The following BTN1A1 variants were observed in gnomAD, a reference collection of about 807,000 sequenced individuals.
The protein encoded by BTN1A1 is bK14H9.2 (butyrophilin, subfamily 1, member A1).
A neutral mutation model predicts 33.1 loss-of-function variants in BTN1A1; 26 were observed. That is an observed-to-expected ratio of 0.79 (90% CI 0.58 to 1.09). The LOEUF is 1.09. Among genes scored for constraint, BTN1A1 ranks in the 50% least tolerant of loss-of-function variants. The probability of loss-of-function intolerance (pLI) is 0.00; values close to 1 mark genes in which losing one functional copy is unlikely to be tolerated. For synonymous variants in BTN1A1, 235 were observed against 256.2 expected (o/e 0.92, Z 0.79); for missense variants, 558 against 655.7 (o/e 0.85, Z 1.63).
rs1261452624 is a variant in BTN1A1 at position 26,501,531 on chromosome 6, G to A, written c.80-59G>A. Reference sequence around the variant, plus strand: ...ACTGCGCTTTGGCGGGAATCTGGTCGGTGTCTGTCCGTAGTTCCCATCTCC... The same window carrying A: ...ACTGCGCTTTGGCGGGAATCTGGTCAGTGTCTGTCCGTAGTTCCCATCTCC... On this transcript the variant is annotated intron_variant, in intron 2 of 7. Coordinates refer to ENST00000684113, the MANE Select transcript of BTN1A1 (RefSeq NM_001732.3). The surrounding 1 kb of genome is among the most constrained non-coding windows in gnomAD (Gnocchi z 5.2). 4 of 1,599,932 alleles carry A rather than the reference G, an allele frequency of 2.5e-6. No homozygotes were observed. The highest frequency in any genetic ancestry group is 3.4e-6 in the Non-Finnish European group (4 of 1,170,760).
chr6:26,501,253 C>G lies in BTN1A1; in HGVS notation c.-34C>G, dbSNP rs1763793896. ...AGGCTGAAGCTCCTGAGGGGACTCA[C>G]ATCAGTTATCTTGCTGCTCCAGAAG... On this transcript the variant is annotated 5_prime_UTR_variant, in exon 2 of 8. Coordinates refer to ENST00000684113, the MANE Select transcript of BTN1A1 (RefSeq NM_001732.3). This position sits in a 1 kb window ranked among gnomAD's most constrained non-coding sequence, Gnocchi z 5.2. The G allele has an allele frequency of 1.4e-5, 22 of 1,580,598 alleles. No homozygotes were observed. The highest frequency in any genetic ancestry group is 1.9e-5 in the Non-Finnish European group (22 of 1,149,754).
At position 26,501,663 on chromosome 6, in the gene BTN1A1, C is replaced by T; in HGVS notation, c.153C>T (p.Arg51=). ...GTGAGGACGCCGAGCTGCCCTGTCG[C>T]CTGTCTCCGAACGCGAGCGCCGAGC... ...VVGEDAELPC[R]LSPNASAEHL... The change falls in exon 3 of 8, where the codon CGC becomes CGT. Residue 51 remains arginine, a synonymous_variant. Transcript: ENST00000684113. The surrounding 1 kb of genome is among the most constrained non-coding windows in gnomAD (Gnocchi z 5.2). The T allele has an allele frequency of 6.2e-7, 1 of 1,614,048 alleles. No individual in the cohort carries two copies. Among genetic ancestry groups the T allele is most frequent in the Non-Finnish European group, 8.5e-7 (1 of 1,180,000 alleles).
intron 3 of BTN1A1, 132 bp downstream of exon 3, chr6:26,502,069 A>G: frequency 7.6e-7 from 1 of 1,320,580 alleles, no homozygotes; most frequent in Non-Finnish European, 9.7e-7. Context: ...GGGAGGGACG[A>G]CTATCTGGGC....
rs1408055953 is a variant in BTN1A1 at position 26,501,639 on chromosome 6, T to A, written c.129T>A (p.Gly43=). The part of the protein sequence containing the change: ...GPPEPILAVV[G]EDAELPCRLS... ...CGGAGCCCATCCTGGCCGTTGTGGGTGAGGACGCCGAGCTGCCCTGTCGCC... is the reference window on the plus strand; with the variant it reads ...CGGAGCCCATCCTGGCCGTTGTGGGAGAGGACGCCGAGCTGCCCTGTCGCC... Residue 43 remains glycine (G), a synonymous_variant, in exon 3 of 8, where the codon GGT becomes GGA. Coordinates refer to ENST00000684113, the MANE Select transcript of BTN1A1 (RefSeq NM_001732.3). This position sits in a 1 kb window ranked among gnomAD's most constrained non-coding sequence, Gnocchi z 5.2. 4.3e-6 allele frequency: 7 copies of A among 1,613,720 alleles called. No individual in the cohort carries two copies. The highest frequency in any genetic ancestry group is 1.6e-4 in the Middle Eastern group (1 of 6,082).
chr6:26,504,856 T>C, intron 3 of BTN1A1, 69 bp from the exon 4 acceptor site: 1 of 1,477,660 alleles, frequency 6.8e-7, no homozygotes, highest in Non-Finnish European at 9.3e-7. Context: ...TCAAACTATG[T>C]AGCTCTCTGG....
chr6:26,501,987 C>T lies in BTN1A1; in HGVS notation c.427+50C>T. ...TCCGACGACTCCCCTGCTGTATACA[C>T]TTTCGTATGGATCAGTTACTTTGGA... is the stretch of plus-strand genomic sequence containing the variant. On this transcript the variant is annotated intron_variant, in intron 3 of 7. Transcript: ENST00000684113. The surrounding 1 kb of genome is among the most constrained non-coding windows in gnomAD (Gnocchi z 5.2). The T allele has an allele frequency of 1.3e-6, 2 of 1,507,184 alleles. No individual in the cohort carries two copies. Among genetic ancestry groups the T allele is most frequent in the South Asian group, 1.4e-5 (1 of 73,438 alleles). 93.4% of individuals were successfully genotyped at this position (1,507,184 alleles called of 1,614,324 possible).
rs1309192421 is a variant in BTN1A1, at chr6:26,501,473, C to T, written c.79+108C>T. 4 of 1,575,202 alleles carry T rather than the reference C, an allele frequency of 2.5e-6. No individual in the cohort carries two copies. Among genetic ancestry groups the T allele is most frequent in the African/African-American group, 1.3e-5 (1 of 74,076 alleles). On this transcript the variant is annotated intron_variant, in intron 2 of 7. Coordinates refer to ENST00000684113, the MANE Select transcript of BTN1A1 (RefSeq NM_001732.3). This position sits in a 1 kb window ranked among gnomAD's most constrained non-coding sequence, Gnocchi z 5.2. The stretch of plus-strand genomic sequence containing the variant: ...GAGACCTCCACTGGATCCAGACAAA[C>T]TCAGCTGTCAAAGGAGTAAGAGAGC...
At position 26,508,515 on chromosome 6, in the gene BTN1A1, G is replaced by T. The variant is rs1248085350; in HGVS notation, c.922G>T (p.Asp308Tyr). ...TTTCTCTCCAGTTGATGTGACTCTG[G>T]ACCCAGACACAGCTCATCCCCACCT... is the stretch of plus-strand genomic sequence containing the variant. ...ATLHAVDVTL[D>Y]PDTAHPHLFL... Residue 308 changes from aspartate (D) to tyrosine (Y), a missense_variant, in exon 8 of 8, where the codon GAC becomes TAC. Physicochemically the swap from Asp to Tyr is radical, Grantham distance 160 (BLOSUM62 -3). Transcript: ENST00000684113. 1.2e-6 allele frequency: 2 copies of T among 1,612,630 alleles called. No homozygotes were observed. Among genetic ancestry groups the T allele is most frequent in the East Asian group, 2.2e-5 (1 of 44,882 alleles).
chr6:26,509,159 CCAAGGGGCACCTTAAGGAATAT>C lies in BTN1A1; in HGVS notation c.1568_*8del. On this transcript the variant is annotated stop_lost and 3_prime_UTR_variant, in exon 8 of 8. Transcript: ENST00000684113. ...CTAAGCTAATCCCTACCCAACCCAGCCAAGGGGCACCTTAAGGAATATCTCAGCTCATCTGTTTTCCTTTCCT... is the reference window on the plus strand; with the variant it reads ...CTAAGCTAATCCCTACCCAACCCAGCCTCAGCTCATCTGTTTTCCTTTCCT... 2 of 1,610,666 alleles carry C rather than the reference CCAAGGGGCACCTTAAGGAATAT, an allele frequency of 1.2e-6. No homozygotes were observed. The highest frequency in any genetic ancestry group is 1.7e-6 in the Non-Finnish European group (2 of 1,178,158).
chr6:26,501,936 T>A lies in BTN1A1; in HGVS notation c.426T>A (p.Ala142=). The change falls in exon 3 of 8, where the codon GCT becomes GCA. Residue 142 remains alanine (A), a splice_region_variant and synonymous_variant. Transcript: ENST00000684113. This position sits in a 1 kb window ranked among gnomAD's most constrained non-coding sequence, Gnocchi z 5.2. The part of the protein sequence containing the change: ...YEEALVHLKV[A]ALGSDPHISM... ...AAGCCCTGGTGCATCTGAAGGTGGCTGGTGAGTAGACGGGTTTTGACTTTC... is the reference window on the plus strand; with the variant it reads ...AAGCCCTGGTGCATCTGAAGGTGGCAGGTGAGTAGACGGGTTTTGACTTTC... The A allele has an allele frequency of 6.4e-7, 1 of 1,558,710 alleles. No homozygotes were observed. The highest frequency in any genetic ancestry group is 8.7e-7 in the Non-Finnish European group (1 of 1,151,296).
At chr6:26,506,024 CAGG>C (rs1763865536) in intron 4 of BTN1A1, among the ~76,000 whole-genome samples, 1 of 150,062 alleles carries the variant, frequency 6.7e-6, no homozygotes, top group Admixed American at 6.7e-5. Flanking sequence ...GAGGCTGAAG[CAGG>C]AGAATGGTGT....
chr6:26,505,135 C>A lies in BTN1A1; in HGVS notation c.638C>A (p.Ala213Glu), dbSNP rs368233152. 1.4e-5 allele frequency: 22 copies of A among 1,613,814 alleles called. No homozygotes were observed. Among genetic ancestry groups the A allele is most frequent in the Non-Finnish European group, 1.8e-5 (21 of 1,179,802 alleles). Residue 213 changes from alanine to glutamate, a missense_variant, in exon 4 of 8, where the codon GCG becomes GAG. Ala to Glu is a moderately radical substitution (Grantham distance 107). Transcript: ENST00000684113. ...AASVIIRDTS[A>E]KNVSCYIQNL... ...TCAGTGATCATCAGAGACACTTCTG[C>A]GAAAAATGTGTCCTGCTACATCCAG... is the stretch of plus-strand genomic sequence containing the variant.
chr6:26,503,192 A>G (rs1022843809), intron 3 of BTN1A1, among the ~76,000 whole-genome samples: 5 of 146,904 alleles, frequency 3.4e-5, no homozygotes, highest in Non-Finnish European at 3.0e-5. Flanking sequence ...TCAAAAAAAG[A>G]AAAAAAAAAA....
At chr6:26,507,848 T>G in intron 5 of BTN1A1, 102 bp from the exon 6 acceptor site, 1 of 1,182,364 alleles carries the variant, frequency 8.5e-7, no homozygotes, top group South Asian at 1.3e-5. Context: ...CAAATAGTCA[T>G]GAATTAAACA....
rs778243276 is a variant in BTN1A1, at chr6:26,501,692, TG to T, written c.184del (p.Glu62SerfsTer48). ...RLSPNASAEH[L>X]ELRWFRKKVS... The stretch of plus-strand genomic sequence containing the variant: ...TCTCCGAACGCGAGCGCCGAGCACT[TG>T]GAGCTACGCTGGTTCCGAAAGAAGG... On this transcript the variant is annotated frameshift_variant, in exon 3 of 8. Transcript: ENST00000684113. LOFTEE classifies it high-confidence loss of function. The surrounding 1 kb of genome is among the most constrained non-coding windows in gnomAD (Gnocchi z 5.2). 1 of 1,613,978 alleles carries T rather than the reference TG, an allele frequency of 6.2e-7. No individual in the cohort carries two copies. Among genetic ancestry groups the T allele is most frequent in the South Asian group, 1.1e-5 (1 of 91,088 alleles).
Position 26,501,623 on chromosome 6 carries a change from T to C in BTN1A1, c.113T>C (p.Ile38Thr), listed in dbSNP as rs1322612759. 3.1e-6 allele frequency: 5 copies of C among 1,613,726 alleles called. No homozygotes were observed. The highest frequency in any genetic ancestry group is 4.2e-6 in the Non-Finnish European group (5 of 1,179,978). Residue 38 changes from isoleucine (I) to threonine (T), a missense_variant, in exon 3 of 8, where the codon ATC becomes ACC. Physicochemically the swap from Ile to Thr is moderately conservative, Grantham distance 89 (BLOSUM62 -1). Transcript: ENST00000684113. The surrounding 1 kb of genome is among the most constrained non-coding windows in gnomAD (Gnocchi z 5.2). The stretch of plus-strand genomic sequence containing the variant: ...GACGTGATTGGACCCCCGGAGCCCA[T>C]CCTGGCCGTTGTGGGTGAGGACGCC... ...PFDVIGPPEPILAVVGEDAEL... is the reference protein window; with the variant it reads ...PFDVIGPPEPTLAVVGEDAEL...
chr6:26,505,156 T>A lies in BTN1A1; in HGVS notation c.659T>A (p.Ile220Asn). 2 of 1,613,888 alleles carry A rather than the reference T, an allele frequency of 1.2e-6. No individual in the cohort carries two copies. The highest frequency in any genetic ancestry group is 1.7e-6 in the Non-Finnish European group (2 of 1,179,822). ...DTSAKNVSCYIQNLLLGQEKK... is the reference protein window; with the variant it reads ...DTSAKNVSCYNQNLLLGQEKK... ...TCTGCGAAAAATGTGTCCTGCTACA[T>A]CCAGAATCTCCTTCTTGGCCAGGAG... Residue 220 changes from isoleucine (I) to asparagine (N), a missense_variant, in exon 4 of 8, where the codon ATC (isoleucine) becomes AAC (asparagine). Physicochemically the swap from Ile to Asn is moderately radical, Grantham distance 149. Coordinates refer to ENST00000684113, the MANE Select transcript of BTN1A1 (RefSeq NM_001732.3).
At position 26,501,222 on chromosome 6, in the gene BTN1A1, T is replaced by C. The variant is rs997093828; in HGVS notation, c.-57-8T>C. On this transcript the variant is annotated splice_region_variant and splice_polypyrimidine_tract_variant and intron_variant, in intron 1 of 7. Coordinates refer to ENST00000684113, the MANE Select transcript of BTN1A1 (RefSeq NM_001732.3). The surrounding 1 kb of genome is among the most constrained non-coding windows in gnomAD (Gnocchi z 5.2). The stretch of plus-strand genomic sequence containing the variant: ...CCGGTAGTTGTCTCCTGTCCATTCA[T>C]CTCCTAGGCTGAAGCTCCTGAGGGG... The C allele has an allele frequency of 7.4e-7, 1 of 1,347,246 alleles. No individual in the cohort carries two copies. The allele number at this position is 1,347,246 out of a possible 1,614,324, so 83.5% of individuals were successfully genotyped here.
In BTN1A1 at chr6:26,501,700, C is replaced by T. The variant is rs540573434; in HGVS notation, c.190C>T (p.Arg64Cys). 1 of 1,614,030 alleles carries T rather than the reference C, an allele frequency of 6.2e-7. No individual in the cohort carries two copies. Among genetic ancestry groups the T allele is most frequent in the African/African-American group, 1.3e-5 (1 of 75,062 alleles). ...PNASAEHLEL[R>C]WFRKKVSPAV... The stretch of plus-strand genomic sequence containing the variant: ...CGCGAGCGCCGAGCACTTGGAGCTA[C>T]GCTGGTTCCGAAAGAAGGTTTCGCC... The change falls in exon 3 of 8, where the codon CGC becomes TGC. Residue 64 changes from arginine (R) to cysteine (C), a missense_variant. Transcript: ENST00000684113. The surrounding 1 kb of genome is among the most constrained non-coding windows in gnomAD (Gnocchi z 5.2).
Sources: gnomAD v4.1 joint callset for allele counts (sites outside exome capture counted in the v4.1 genomes callset) on GRCh38, gnomAD v4.1.1 for gene constraint, Gnocchi (gnomAD v3.1) non-coding constraint, MANE v1.5 for transcripts, NCBI Gene and HGNC (gene_info 2026-07-23, HGNC 2026-07-21) for gene names.